SUPT6H: variants seen among roughly 807,000 people sequenced by gnomAD.
SUPT6H encodes the protein SPT6 homolog, histone chaperone and transcription elongation factor.
A neutral mutation model predicts 222.3 loss-of-function variants in SUPT6H; 11 were observed. The observed-to-expected ratio is 0.05, with a 90% CI of 0.03 to 0.08. The LOEUF (loss-of-function observed/expected upper bound fraction) is 0.08. SUPT6H is among the 10% of genes least tolerant of loss of function. SUPT6H has a pLI of 1.00. For missense variants in SUPT6H, 1,422 were observed against 2,216.0 expected, an observed-to-expected ratio of 0.64 and a Z score of 7.19; for synonymous variants, 762 against 801.2, an observed-to-expected ratio of 0.95 and a Z score of 0.83.
Position 28,672,464 on chromosome 17 carries a change from A to T in SUPT6H, c.-31-907A>T, listed in dbSNP as rs563969095. Among the ~76,000 whole-genome samples, 5 of 150,558 alleles carry T rather than the reference A, an allele frequency of 3.3e-5. No individual in the cohort carries two copies. The East Asian group carries it at 9.8e-4, about 29-fold the overall frequency. ...ATTTTGCTCTTGTTGCCCAGGCTGG[A>T]GTGCAGTGGTGCAATCTCAGCTCAC... On this transcript the variant is annotated intron_variant, in intron 1 of 36. Coordinates refer to ENST00000314616, the MANE Select transcript of SUPT6H (RefSeq NM_003170.5).
rs2031985453 is a variant in SUPT6H at position 28,697,725 on chromosome 17, G to T, written c.4315G>T (p.Asp1439Tyr). The T allele has an allele frequency of 6.2e-7, 1 of 1,614,150 alleles. No homozygotes were observed. Among genetic ancestry groups the T allele is most frequent in the Non-Finnish European group, 8.5e-7 (1 of 1,179,998 alleles). The part of the protein sequence containing the change: ...HKYYQDCSGG[D>Y]RKKLEELLIK... ...GTATTATCAGGACTGCAGCGGTGGG[G>T]ACCGCAAGGTAAGCCCAGGGCCCTC... is the stretch of plus-strand genomic sequence containing the variant. The change falls in exon 31 of 37, where the codon GAC becomes TAC. Residue 1439 changes from aspartate (D) to tyrosine (Y), a missense_variant. Asp to Tyr is a radical substitution (Grantham distance 160). Around this residue, in one of 13 missense-constraint regions of SUPT6H, gnomAD observed 395 missense variants for 580.6 expected, o/e 0.68. Transcript: ENST00000314616.
At position 28,701,442 on chromosome 17, in the gene SUPT6H, C is replaced by T; in HGVS notation, c.4998C>T (p.Ser1666=). Residue 1666 remains serine, a synonymous_variant, in exon 37 of 37, where the codon TCC becomes TCT. Coordinates refer to ENST00000314616, the MANE Select transcript of SUPT6H (RefSeq NM_003170.5). ...SSRQRQQQPK[S]NSHAAIDWGK... Reference sequence around the variant, plus strand: ...TCAACTTTTCTTCCCCTCCCAGGTCCAACAGCCATGCAGCCATCGACTGGG... The same window carrying T: ...TCAACTTTTCTTCCCCTCCCAGGTCTAACAGCCATGCAGCCATCGACTGGG... 6.2e-7 allele frequency: 1 copy of T among 1,613,394 alleles called. No homozygotes were observed. The highest frequency in any genetic ancestry group is 1.3e-5 in the African/African-American group (1 of 75,038).
At chr17:28,700,674 A>AG (rs1400017757) in intron 35 of SUPT6H, 162 bp downstream of exon 35, 6 of 1,042,662 alleles carry the variant, frequency 5.8e-6, no homozygotes, top group Admixed American at 5.7e-5. Flanking sequence ...GAAGGGGAAG[A>AG]GGGTAAGAGA....
chr17:28,674,802 C>A, intron 4 of SUPT6H, 168 bp from the exon 5 acceptor site: 2 of 999,702 alleles, frequency 2.0e-6, no homozygotes, highest in Non-Finnish European at 2.9e-6. Context: ...AAGTCTTGTC[C>A]AAGTTTCAAG....
Position 28,686,751 on chromosome 17 carries a change from G to C in SUPT6H, c.2662G>C (p.Glu888Gln). Residue 888 changes from glutamate (E) to glutamine (Q), a missense_variant, in exon 21 of 37, where the codon GAG becomes CAG. Glu to Gln is a conservative substitution (Grantham distance 29). This residue lies in a region of SUPT6H where 294 missense variants were observed against 382.1 expected (regional missense o/e 0.77). Coordinates refer to ENST00000314616, the MANE Select transcript of SUPT6H (RefSeq NM_003170.5). ...SSIGVELVDN[E>Q]LAILYMNSKK... is the part of the protein sequence containing the mutation. ...TATTGGGGTAGAGCTGGTTGACAAC[G>C]AGTTGGCCATTCTCTATATGAACAG... 1 of 1,612,762 alleles carries C rather than the reference G, an allele frequency of 6.2e-7. No homozygotes were observed. Among genetic ancestry groups the C allele is most frequent in the South Asian group, 1.1e-5 (1 of 90,828 alleles).
chr17:28,675,369 T>A (rs368749086), intron 5 of SUPT6H, 32 bp from the exon 6 acceptor site: 1 of 1,608,770 alleles, frequency 6.2e-7, no homozygotes, highest in Non-Finnish European at 8.5e-7. Context: ...AGCCCCTGAC[T>A]CTGAGCCCCA....
chr17:28,676,113 T>C (rs372111624), intron 6 of SUPT6H, 44 bp from the exon 7 acceptor site: 3 of 1,539,802 alleles, frequency 1.9e-6, no homozygotes, highest in Admixed American at 4.2e-5. Flanking sequence ...ATTTCTCTCC[T>C]CTCACCTGAA....
intron 1 of SUPT6H, among the ~76,000 whole-genome samples, chr17:28,666,722 T>G (rs1489276530): frequency 6.6e-6 from 1 of 152,014 alleles, no homozygotes; most frequent in African/African-American, 2.4e-5. Flanking sequence ...CGGCTAATTT[T>G]TGTATTTTTA....
chr17:28,678,504 T>C (rs755962698), intron 9 of SUPT6H, 41 bp from the exon 10 acceptor site: 2 of 1,586,396 alleles, frequency 1.3e-6, no homozygotes, highest in South Asian at 1.1e-5. Context: ...TCTTAGCAAA[T>C]CTGTCTTCTC....
At chr17:28,676,785 GT>G (rs1453488801) in intron 7 of SUPT6H, among the ~76,000 whole-genome samples, 1 of 151,722 alleles carries the variant, frequency 6.6e-6, no homozygotes, top group Non-Finnish European at 1.5e-5. Flanking sequence ...AAACTAGCTG[GT>G]TGTGATGGTG....
rs767684240 is a variant in SUPT6H, at chr17:28,701,005, C to T, written c.4871C>T (p.Thr1624Met). 70 of 1,614,040 alleles carry T rather than the reference C, an allele frequency of 4.3e-5. No individual in the cohort carries two copies. The highest frequency in any genetic ancestry group is 1.7e-4 in the Admixed American group (10 of 59,998). Reference protein sequence around the residue: ...TPLMTPSYSYTTPSQPITTPQ... With the variant: ...TPLMTPSYSYMTPSQPITTPQ... ...CTAATGACCCCTAGCTACTCCTACA[C>T]GACCCCAAGCCAGCCCATCACCACC... Residue 1624 changes from threonine (T) to methionine (M), a missense_variant, in exon 36 of 37, where the codon ACG (threonine) becomes ATG (methionine). By Grantham distance (81) the Thr-to-Met change is moderately conservative (BLOSUM62 -1). Transcript: ENST00000314616.
At chr17:28,692,273 G>A (rs9911790) in intron 27 of SUPT6H, among the ~76,000 whole-genome samples, 3,746 of 130,198 alleles carry the variant, frequency 0.029, 89 homozygotes, top group South Asian at 0.039. Flanking sequence ...GCAGTGAGCC[G>A]AGATTGCACC....
At chr17:28,687,756 G>A (rs1175993148) in intron 23 of SUPT6H, among the ~76,000 whole-genome samples, 1 of 152,082 alleles carries the variant, frequency 6.6e-6, no homozygotes, top group Non-Finnish European at 1.5e-5. Context: ...GACCCCAGGT[G>A]ATCCACCCGC....
intron 33 of SUPT6H, 76 bp downstream of exon 33, chr17:28,699,969 TAGGGGACC>T: frequency 6.8e-7 from 1 of 1,464,942 alleles, no homozygotes; most frequent in Non-Finnish European, 9.6e-7. Flanking sequence ...AGTCCCAGCC[TAGGGGACC>T]AGGTGAGGAG....
At chr17:28,663,316 T>TCC (rs2151591881) in intron 1 of SUPT6H, among the ~76,000 whole-genome samples, 1 of 152,362 alleles carries the variant, frequency 6.6e-6, no homozygotes, top group South Asian at 2.1e-4. Flanking sequence ...TAATGTCCCT[T>TCC]TCACCAGTAC....
chr17:28,683,538 C>A (rs1018709227), intron 16 of SUPT6H, 83 bp from the exon 17 acceptor site: 2 of 1,582,626 alleles, frequency 1.3e-6, no homozygotes, highest in Non-Finnish European at 1.7e-6. Context: ...AGGCTGTTGT[C>A]TCTGGCTTGC....
At chr17:28,683,481 A>G in intron 16 of SUPT6H, 59 bp downstream of exon 16, 2 of 1,603,822 alleles carry the variant, frequency 1.2e-6, no homozygotes, top group Non-Finnish European at 1.7e-6. Flanking sequence ...AGTCTGGTGG[A>G]GGGAAGGGCC....
At chr17:28,698,151 T>TC in intron 32 of SUPT6H, 121 bp downstream of exon 32, 1 of 1,351,298 alleles carries the variant, frequency 7.4e-7, no homozygotes, top group Non-Finnish European at 9.8e-7. Flanking sequence ...TCTCATCTGT[T>TC]TAGAACAGAG....
chr17:28,683,162 C>T, intron 15 of SUPT6H, 70 bp downstream of exon 15: 8 of 1,565,158 alleles, frequency 5.1e-6, no homozygotes, highest in Non-Finnish European at 6.9e-6. Context: ...AGTTTCTTGC[C>T]TTCCACTTCA....
Sources: allele counts gnomAD v4.1 joint callset (sites outside exome capture counted in the v4.1 genomes callset), GRCh38; gene constraint gnomAD v4.1.1; regional missense constraint gnomAD v4.1.1; transcripts MANE v1.5; gene names NCBI Gene and HGNC (gene_info 2026-07-23, HGNC 2026-07-21).